Variants in TMPRSS11B observed in about 807,000 individuals in gnomAD.
TMPRSS11B encodes transmembrane serine protease 11B.
TMPRSS11B carries 53 observed loss-of-function variants against 44.7 expected under a neutral mutation model. The ratio of observed to expected loss-of-function variants is 1.19; its 90% CI spans 0.95 to 1.49. The LOEUF (loss-of-function observed/expected upper bound fraction) is 1.49. TMPRSS11B is among the 40% of genes most tolerant of loss of function. TMPRSS11B has a pLI of 0.00. For missense variants in TMPRSS11B, 526 were observed against 494.8 expected (o/e 1.06, Z -0.60); for synonymous variants, 140 against 159.2 (o/e 0.88, Z 0.91).
At position 68,241,793 on chromosome 4, in the gene TMPRSS11B, G is replaced by GAT; in HGVS notation, c.18_19dup (p.Ser7TyrfsTer25). 6.2e-7 allele frequency: 1 copy of GAT among 1,611,994 alleles called. No homozygotes were observed. The highest frequency in any genetic ancestry group is 8.5e-7 in the Non-Finnish European group (1 of 1,178,430). On this transcript the variant is annotated frameshift_variant, in exon 2 of 10. Coordinates refer to ENST00000332644, the MANE Select transcript of TMPRSS11B (RefSeq NM_182502.3). LOFTEE classifies it high-confidence loss of function. ...CCATAGTGGCCAAGATCTTTGGGAA[G>GAT]ATATGCCGTGCCTATGAAAGAGGAA...
intron 6 of TMPRSS11B, 23 bp from the exon 7 acceptor site, chr4:68,231,403 C>G (rs759010288): frequency 1.3e-6 from 2 of 1,580,738 alleles, no homozygotes; most frequent in East Asian, 2.3e-5. Flanking sequence ...TTTATTTACA[C>G]GAGAGCAGGT....
At chr4:68,242,301 TAA>T (rs1719866370) in intron 1 of TMPRSS11B, among the ~76,000 whole-genome samples, 3 of 65,920 alleles carry the variant, frequency 4.6e-5, no homozygotes, top group African/African-American at 1.4e-4. Context: ...ATACATAATA[TAA>T]TATATATAAT....
chr4:68,244,187 A>G (rs1719939823), intron 1 of TMPRSS11B, among the ~76,000 whole-genome samples: 1 of 152,202 alleles, frequency 6.6e-6, no homozygotes, highest in African/African-American at 2.4e-5. Flanking sequence ...ACTTTTTTCT[A>G]AAGGTAGCAT....
At position 68,236,031 on chromosome 4, in the gene TMPRSS11B, T is replaced by A. The variant is rs761022153; in HGVS notation, c.279A>T (p.Glu93Asp). The A allele has an allele frequency of 6.3e-7, 1 of 1,587,806 alleles. No homozygotes were observed. The highest frequency in any genetic ancestry group is 8.6e-7 in the Non-Finnish European group (1 of 1,169,146). Residue 93 changes from glutamate to aspartate, a missense_variant, in exon 4 of 10, where the codon GAA (glutamate) becomes GAT (aspartate). Physicochemically the swap from Glu to Asp is conservative, Grantham distance 45. Coordinates refer to ENST00000332644, the MANE Select transcript of TMPRSS11B (RefSeq NM_182502.3). ...GTTTGATGACCTCAGATTTGACATA[T>A]TCCTTATATATACTGGAATTTTGAA... ...NAFQNSSIYK[E>D]YVKSEVIKLL...
Position 68,238,787 on chromosome 4 carries a change from A to G in TMPRSS11B, c.125-2521T>C, listed in dbSNP as rs373324998. Among the ~76,000 whole-genome samples, 8 of 152,176 alleles carry G rather than the reference A, an allele frequency of 5.3e-5. No homozygotes were observed. The East Asian group carries it at 7.7e-4, about 15-fold the overall frequency. On this transcript the variant is annotated intron_variant, in intron 2 of 9. Coordinates refer to ENST00000332644, the MANE Select transcript of TMPRSS11B (RefSeq NM_182502.3). The stretch of plus-strand genomic sequence containing the variant: ...AAACAAAAACTAAATTACAATAGAT[A>G]AACTCTAAGACCCTCTTCTTTCTAC...
At chr4:68,229,115 G>T (rs1445509498) in intron 8 of TMPRSS11B, 142 bp downstream of exon 8, 1 of 984,132 alleles carries the variant, frequency 1.0e-6, no homozygotes, top group Non-Finnish European at 1.5e-6. Flanking sequence ...TTGACATCAT[G>T]CTTTTTGTCC....
Position 68,227,841 on chromosome 4 carries a change from A to G in TMPRSS11B, c.*70T>C. On this transcript the variant is annotated 3_prime_UTR_variant, in exon 10 of 10. Coordinates refer to ENST00000332644, the MANE Select transcript of TMPRSS11B (RefSeq NM_182502.3). ...TTAGTTTACCAACAATCAAAATAAAAAGATCCCAAAGCCACAGATAAGGAT... is the reference window on the plus strand; with the variant it reads ...TTAGTTTACCAACAATCAAAATAAAGAGATCCCAAAGCCACAGATAAGGAT... 1 of 1,238,506 alleles carries G rather than the reference A, an allele frequency of 8.1e-7. No homozygotes were observed. The highest frequency in any genetic ancestry group is 1.1e-6 in the Non-Finnish European group (1 of 950,898). The allele number at this position is 1,238,506 out of a possible 1,614,324, so 76.7% of individuals were successfully genotyped here.
chr4:68,230,959 T>G (rs1719493580), intron 7 of TMPRSS11B, among the ~76,000 whole-genome samples: 1 of 152,226 alleles, frequency 6.6e-6, no homozygotes, highest in Admixed American at 6.5e-5. Flanking sequence ...AAGCACTTAA[T>G]GTCAGGCCAA....
chr4:68,230,868 A>C (rs1719491025), intron 7 of TMPRSS11B, among the ~76,000 whole-genome samples: 1 of 151,832 alleles, frequency 6.6e-6, no homozygotes, highest in African/African-American at 2.4e-5. Flanking sequence ...AGTGAGACTT[A>C]GTTTCCTCAT....
chr4:68,228,924 C>G (rs757871674), intron 8 of TMPRSS11B, 40 bp from the exon 9 acceptor site: 1 of 1,589,652 alleles, frequency 6.3e-7, no homozygotes, highest in Non-Finnish European at 8.5e-7. Context: ...AGATCTTAGA[C>G]TTTGCTGGGA....
rs1418140004 is a variant in TMPRSS11B, at chr4:68,229,401, G to A, written c.802C>T (p.His268Tyr). ...AGCTGCACAAGGGCAATATCATCAT[G>A]AAGCCCAGGACTGCTATAATTTTCA... is the stretch of plus-strand genomic sequence containing the variant. ...FHENYSSPGL[H>Y]DDIALVQLAE... Residue 268 changes from histidine to tyrosine, a missense_variant, in exon 8 of 10, where the codon CAT becomes TAT. By Grantham distance (83) the His-to-Tyr change is moderately conservative (BLOSUM62 2). Transcript: ENST00000332644. 5 of 1,614,070 alleles carry A rather than the reference G, an allele frequency of 3.1e-6. No individual in the cohort carries two copies. Among genetic ancestry groups the A allele is most frequent in the Non-Finnish European group, 3.4e-6 (4 of 1,179,988 alleles).
At chr4:68,235,115 C>A (rs1267739546) in intron 4 of TMPRSS11B, among the ~76,000 whole-genome samples, 2 of 152,008 alleles carry the variant, frequency 1.3e-5, no homozygotes, top group African/African-American at 4.8e-5. Flanking sequence ...CAGATCTATA[C>A]AATGAAAAAG....
chr4:68,240,659 T>C (rs1015765517), intron 2 of TMPRSS11B, among the ~76,000 whole-genome samples: 2 of 151,860 alleles, frequency 1.3e-5, no homozygotes, highest in Admixed American at 6.6e-5. Flanking sequence ...TTTTAATGAG[T>C]AGAGGGAAAG....
chr4:68,238,514 G>T (rs1719735046), intron 2 of TMPRSS11B, among the ~76,000 whole-genome samples: 1 of 151,484 alleles, frequency 6.6e-6, no homozygotes, highest in South Asian at 2.1e-4. Context: ...CTTGAGGTCA[G>T]GGGTTCAAGA....
At chr4:68,242,248 ATATAT>A (rs1719856117) in intron 1 of TMPRSS11B, among the ~76,000 whole-genome samples, 2 of 79,820 alleles carry the variant, frequency 2.5e-5, no homozygotes, top group Non-Finnish European at 4.3e-5. Flanking sequence ...ATTATATTAT[ATATAT>A]TATAATATAT....
At chr4:68,234,437 G>A (rs773129720) in intron 5 of TMPRSS11B, 26 bp downstream of exon 5, 2 of 1,593,642 alleles carry the variant, frequency 1.3e-6, no homozygotes, top group Non-Finnish European at 1.7e-6. Context: ...CTATGTAATA[G>A]AAAATAATGG....
intron 7 of TMPRSS11B, among the ~76,000 whole-genome samples, chr4:68,230,314 T>C (rs894205680): frequency 4.6e-5 from 7 of 152,204 alleles, no homozygotes; most frequent in African/African-American, 1.7e-4. Flanking sequence ...CAGATGGATA[T>C]GCTGTCTTTC....
chr4:68,242,146 C>A (rs1719841379), intron 1 of TMPRSS11B, among the ~76,000 whole-genome samples: 3 of 129,926 alleles, frequency 2.3e-5, no homozygotes, highest in East Asian at 2.2e-4. Flanking sequence ...TAAACTATAG[C>A]CATATCATGC....
At chr4:68,238,010 C>G (rs1324025400) in intron 2 of TMPRSS11B, among the ~76,000 whole-genome samples, 1 of 151,894 alleles carries the variant, frequency 6.6e-6, no homozygotes, top group Non-Finnish European at 1.5e-5. Context: ...GAGTGAGACC[C>G]TCATGTCAAA....
Sources: gnomAD v4.1 joint callset for allele counts (sites outside exome capture counted in the v4.1 genomes callset) on GRCh38, gnomAD v4.1.1 for gene constraint, MANE v1.5 for transcripts, NCBI Gene and HGNC (gene_info 2026-07-23, HGNC 2026-07-21) for gene names.